SMURF2: variants seen among roughly 807,000 people sequenced by gnomAD.
SMURF2 encodes the protein E3 ubiquitin-protein ligase SMURF2.
Under a neutral mutation model 109.6 loss-of-function variants are expected in SMURF2, and 48 were observed. The observed-to-expected ratio is 0.44, with a 90% confidence interval of 0.35 to 0.56. The LOEUF is 0.56. SMURF2 is among the 20% of genes least tolerant of loss of function. SMURF2 has a pLI of 0.01. For synonymous variants in SMURF2, 288 were observed against 317.1 expected, an observed-to-expected ratio of 0.91 and a Z score of 0.97; for missense variants, 575 against 909.0, an observed-to-expected ratio of 0.63 and a Z score of 4.72.
chr17:64,551,062 AAG>A (rs782553703), intron 16 of SMURF2, among the ~76,000 whole-genome samples: 1 of 152,130 alleles, frequency 6.6e-6, no homozygotes, highest in Non-Finnish European at 1.5e-5. Context: ...TTCACAATAT[AAG>A]AGAGACTGCT....
intron 15 of SMURF2, among the ~76,000 whole-genome samples, chr17:64,553,619 C>T: frequency 6.6e-6 from 1 of 152,122 alleles, no homozygotes; most frequent in South Asian, 2.1e-4. Flanking sequence ...TTTTAAATAT[C>T]CACATAATAT....
At chr17:64,572,103 C>A in intron 9 of SMURF2, 147 bp from the exon 10 acceptor site, 1 of 691,314 alleles carries the variant, frequency 1.4e-6, no homozygotes, top group Non-Finnish European at 2.2e-6. Context: ...CTTTAATTCC[C>A]AATGGTTTAA....
Position 64,547,048 on chromosome 17 carries a change from A to G in SMURF2, c.2071+552T>C, listed in dbSNP as rs1472221479. On this transcript the variant is annotated intron_variant, in intron 17 of 18. Coordinates refer to ENST00000262435, the MANE Select transcript of SMURF2 (RefSeq NM_022739.4). The surrounding 1 kb of genome is among the most constrained non-coding windows in gnomAD (Gnocchi z 4.2). Reference sequence around the variant, plus strand: ...TGCCACCCAGTGAAGCACCACAATCATTAGCAATATTACCAGCTCCTCCCA... The same window carrying G: ...TGCCACCCAGTGAAGCACCACAATCGTTAGCAATATTACCAGCTCCTCCCA... Among the ~76,000 whole-genome samples the G allele has an allele frequency of 6.6e-6, 1 of 152,260 alleles. No individual in the cohort carries two copies. Among genetic ancestry groups the G allele is most frequent in the East Asian group, 1.9e-4 (1 of 5,200 alleles).
chr17:64,571,063 T>C (rs1555685511), intron 10 of SMURF2, among the ~76,000 whole-genome samples: 1 of 152,156 alleles, frequency 6.6e-6, no homozygotes, highest in Non-Finnish European at 1.5e-5. Context: ...GATTACAGCA[T>C]GAGCCACATG....
chr17:64,601,189 G>A (rs547910107), intron 2 of SMURF2, among the ~76,000 whole-genome samples: 4 of 152,164 alleles, frequency 2.6e-5, no homozygotes, highest in South Asian at 2.1e-4. Flanking sequence ...CTGGGAGGCC[G>A]AGGCTGCAGT....
rs374975775 is a variant in SMURF2, at chr17:64,623,512, C to T, written c.53-16872G>A. 3.0e-4 allele frequency among the ~76,000 whole-genome samples: 45 copies of T among 152,296 alleles called. No individual in the cohort carries two copies. In the East Asian group the frequency reaches 7.3e-3, roughly 25 times the overall value. On this transcript the variant is annotated intron_variant, in intron 1 of 18. Transcript: ENST00000262435. ...ATGTCTAATTCACTGCATTGTTTTACAGTAAACAAAAAGCTTCCTTTTTCC... is the reference window on the plus strand; with the variant it reads ...ATGTCTAATTCACTGCATTGTTTTATAGTAAACAAAAAGCTTCCTTTTTCC...
intron 1 of SMURF2, 101 bp from the exon 2 acceptor site, chr17:64,606,741 C>CT (rs1969976615): frequency 3.8e-6 from 3 of 785,056 alleles, no homozygotes; most frequent in Non-Finnish European, 4.0e-6. Flanking sequence ...TAGTTAAACC[C>CT]TAACTATAGC....
At chr17:64,588,796 G>A (rs1309530112) in intron 5 of SMURF2, among the ~76,000 whole-genome samples, 2 of 151,778 alleles carry the variant, frequency 1.3e-5, no homozygotes, top group Admixed American at 6.6e-5. Context: ...GCTAATTTTT[G>A]TATTTTTTAG....
intron 14 of SMURF2, 120 bp from the exon 15 acceptor site, chr17:64,555,113 T>A: frequency 1.0e-6 from 1 of 973,250 alleles, no homozygotes; most frequent in African/African-American, 1.7e-5. Context: ...TGAGGTCAGA[T>A]TCTGCTTCCA....
chr17:64,654,152 C>T (rs1970675387), intron 1 of SMURF2, among the ~76,000 whole-genome samples: 1 of 152,146 alleles, frequency 6.6e-6, no homozygotes, highest in Non-Finnish European at 1.5e-5. Context: ...AAGAACATTG[C>T]ATGATTGCAA....
At chr17:64,586,063 T>C (rs1555687038) in intron 6 of SMURF2, 23 bp downstream of exon 6, 2 of 1,517,282 alleles carry the variant, frequency 1.3e-6, no homozygotes, top group Non-Finnish European at 1.8e-6. Flanking sequence ...ATTTCTCTAA[T>C]GATTTCAGTG....
intron 1 of SMURF2, among the ~76,000 whole-genome samples, chr17:64,654,375 C>A (rs1488202234): frequency 6.6e-6 from 1 of 152,168 alleles, no homozygotes; most frequent in Non-Finnish European, 1.5e-5. Context: ...TGGTCTGAAA[C>A]TATTCTTGTT....
At position 64,615,264 on chromosome 17, in the gene SMURF2, G is replaced by T. The variant is rs552068018; in HGVS notation, c.53-8624C>A. Among the ~76,000 whole-genome samples, 4 of 150,964 alleles carry T rather than the reference G, an allele frequency of 2.6e-5. No homozygotes were observed. The South Asian group carries it at 8.4e-4, about 32-fold the overall frequency. On this transcript the variant is annotated intron_variant, in intron 1 of 18. Coordinates refer to ENST00000262435, the MANE Select transcript of SMURF2 (RefSeq NM_022739.4). ...TGCTGATTGGAATGAGACTGCTTGA[G>T]AGAAAAAAAAAATACTCAGACATCC...
At chr17:64,553,492 G>A (rs1251939282) in intron 15 of SMURF2, among the ~76,000 whole-genome samples, 1 of 151,292 alleles carries the variant, frequency 6.6e-6, no homozygotes, top group African/African-American at 2.4e-5. Flanking sequence ...GCAACAGAGC[G>A]AGACTCCACC....
chr17:64,566,087 T>C (rs1969296317), intron 10 of SMURF2, among the ~76,000 whole-genome samples: 1 of 151,220 alleles, frequency 6.6e-6, no homozygotes, highest in Non-Finnish European at 1.5e-5. Context: ...CAAAACTCCG[T>C]TAACACTTGT....
chr17:64,621,988 A>AATAATAATAGTAATAATAATAAT (rs57035569), intron 1 of SMURF2, among the ~76,000 whole-genome samples: 1 of 128,254 alleles, frequency 7.8e-6, no homozygotes, highest in African/African-American at 2.8e-5. Context: ...ATAATAATAA[A>AATAATAATAGTAATAATAATAAT]AAAAAGCACT....
At chr17:64,559,241 A>AAGCAGATC (rs1969172768) in intron 12 of SMURF2, among the ~76,000 whole-genome samples, 1 of 152,182 alleles carries the variant, frequency 6.6e-6, no homozygotes, top group Non-Finnish European at 1.5e-5. Context: ...AGTTCAGAAA[A>AAGCAGATC]AGCAGATCAC....
intron 3 of SMURF2, among the ~76,000 whole-genome samples, chr17:64,595,699 G>C (rs761589900): frequency 6.6e-6 from 1 of 152,152 alleles, no homozygotes; most frequent in Non-Finnish European, 1.5e-5. Flanking sequence ...AATCATAAGA[G>C]ATGCTTCTGA....
rs925281915 is a variant in SMURF2 at position 64,616,402 on chromosome 17, G to A, written c.53-9762C>T. On this transcript the variant is annotated intron_variant, in intron 1 of 18. Coordinates refer to ENST00000262435, the MANE Select transcript of SMURF2 (RefSeq NM_022739.4). Reference sequence around the variant, plus strand: ...CACGGTGGCTCTGCCTGCAATCCCAGCACTTTGGGAGGCTGAGGTGGGCGG... The same window carrying A: ...CACGGTGGCTCTGCCTGCAATCCCAACACTTTGGGAGGCTGAGGTGGGCGG... 4.6e-5 allele frequency among the ~76,000 whole-genome samples: 7 copies of A among 151,580 alleles called. 1 individual carries two copies. The highest frequency in any genetic ancestry group is 4.6e-4 in the Admixed American group (7 of 15,240).
Sources: gnomAD v4.1 joint callset for allele counts (sites outside exome capture counted in the v4.1 genomes callset) on GRCh38, gnomAD v4.1.1 for gene constraint, Gnocchi (gnomAD v3.1) non-coding constraint, MANE v1.5 for transcripts, NCBI Gene and HGNC (gene_info 2026-07-23, HGNC 2026-07-21) for gene names.